The following PPP4R4 variants were observed in gnomAD, a reference collection of about 807,000 sequenced individuals.
PPP4R4 encodes the protein serine/threonine-protein phosphatase 4 regulatory subunit 4.
In PPP4R4, 70 loss-of-function variants were observed where a neutral mutation model predicts 121.8. That is an observed-to-expected ratio of 0.57 (90% CI 0.47 to 0.70). PPP4R4 has a LOEUF of 0.70. Ranked by LOEUF, PPP4R4 falls within the 30% of genes least tolerant of loss-of-function variation. The pLI is 0.00. For missense variants in PPP4R4, 875 were observed against 1,033.6 expected, an observed-to-expected ratio of 0.85 and a Z score of 2.10; for synonymous variants, 348 against 355.7, an observed-to-expected ratio of 0.98 and a Z score of 0.24.
rs578206201 is a variant in PPP4R4, at chr14:94,249,883, G to A, written c.1612-289G>A. Reference sequence around the variant, plus strand: ...CAGGGAACAGCTAAAAGAATAGGTGGCAGGGGTGTATTTGATCATGTAAGA... The same window carrying A: ...CAGGGAACAGCTAAAAGAATAGGTGACAGGGGTGTATTTGATCATGTAAGA... On this transcript the variant is annotated intron_variant, in intron 14 of 24. Coordinates refer to ENST00000304338, the MANE Select transcript of PPP4R4 (RefSeq NM_058237.2). 2.6e-5 allele frequency among the ~76,000 whole-genome samples: 4 copies of A among 152,160 alleles called. No individual in the cohort carries two copies. The South Asian group carries it at 8.3e-4, about 32-fold the overall frequency.
chr14:94,235,388 CTTTTTTTTTTTTTT>C (rs34881107), intron 7 of PPP4R4, among the ~76,000 whole-genome samples: 6 of 50,812 alleles, frequency 1.2e-4, no homozygotes, highest in African/African-American at 3.7e-4. Flanking sequence ...TCTCCTTGTT[CTTTTTTTTTTTTTT>C]TTTTTTTTTT....
intron 7 of PPP4R4, 44 bp downstream of exon 7, chr14:94,234,713 GC>G: frequency 7.7e-7 from 1 of 1,304,514 alleles, no homozygotes; most frequent in Non-Finnish European, 1.1e-6. Context: ...ATGAAAACAT[GC>G]CATTGAAAGG....
chr14:94,272,936 A>G (rs925454124), intron 23 of PPP4R4, among the ~76,000 whole-genome samples: 4 of 152,236 alleles, frequency 2.6e-5, no homozygotes, highest in Non-Finnish European at 4.4e-5. Context: ...AATTAAAACA[A>G]TGAAGCCCCA....
chr14:94,219,175 G>A (rs377343263), intron 3 of PPP4R4, among the ~76,000 whole-genome samples: 1 of 151,046 alleles, frequency 6.6e-6, no homozygotes, highest in South Asian at 2.1e-4. Flanking sequence ...TGCCTCCCGG[G>A]TTCAAGCGAT....
chr14:94,267,024 T>C lies in PPP4R4; in HGVS notation c.2444T>C (p.Leu815Pro). 2 of 1,587,008 alleles carry C rather than the reference T, an allele frequency of 1.3e-6. No individual in the cohort carries two copies. Among genetic ancestry groups the C allele is most frequent in the East Asian group, 2.2e-5 (1 of 44,634 alleles). The change falls in exon 23 of 25, where the codon CTA becomes CCA. Residue 815 changes from leucine to proline, a missense_variant. By Grantham distance (98) the Leu-to-Pro change is moderately conservative (BLOSUM62 -3). Transcript: ENST00000304338. ...SGLGKTSVLS[L>P]ADDSFRTRNA... ...TTAGGAAAGACTTCTGTGCTTTCACTAGCTGGTAAGTAGCAATCTAAGTTC... is the reference window on the plus strand; with the variant it reads ...TTAGGAAAGACTTCTGTGCTTTCACCAGCTGGTAAGTAGCAATCTAAGTTC...
At chr14:94,216,202 A>C (rs1255704678) in intron 3 of PPP4R4, among the ~76,000 whole-genome samples, 1 of 152,250 alleles carries the variant, frequency 6.6e-6, no homozygotes, top group African/African-American at 2.4e-5. Context: ...CTGCAAGAGA[A>C]CATCACTCTT....
intron 23 of PPP4R4, among the ~76,000 whole-genome samples, chr14:94,271,126 A>G (rs1039895314): frequency 4.6e-5 from 7 of 152,162 alleles, no homozygotes; most frequent in African/African-American, 1.7e-4. Flanking sequence ...ATTATCTACA[A>G]TCTCTTTCAC....
chr14:94,214,337 G>GA (rs1235698854), intron 3 of PPP4R4, among the ~76,000 whole-genome samples: 1 of 152,070 alleles, frequency 6.6e-6, no homozygotes, highest in Non-Finnish European at 1.5e-5. Context: ...ATATAATAAA[G>GA]AAAGGATAAA....
chr14:94,258,953 G>C (rs149083211), intron 18 of PPP4R4, 129 bp downstream of exon 18: 1 of 881,006 alleles, frequency 1.1e-6, no homozygotes, highest in African/African-American at 1.7e-5. Context: ...GGCTGGGGAG[G>C]CCTCACAATC....
At chr14:94,202,318 T>C (rs1316087068) in intron 2 of PPP4R4, among the ~76,000 whole-genome samples, 1 of 152,168 alleles carries the variant, frequency 6.6e-6, no homozygotes, top group East Asian at 1.9e-4. Flanking sequence ...AGTGCTTAGA[T>C]ACGAATCTAA....
At position 94,223,618 on chromosome 14, in the gene PPP4R4, C is replaced by A. The variant is rs142186971; in HGVS notation, c.295-6969C>A. Among the ~76,000 whole-genome samples the A allele has an allele frequency of 6.4e-3, 967 of 152,270 alleles. 10 individuals carry two copies. Among genetic ancestry groups the A allele is most frequent in the African/African-American group, 0.021 (863 of 41,556 alleles). On this transcript the variant is annotated intron_variant, in intron 3 of 24. Coordinates refer to ENST00000304338, the MANE Select transcript of PPP4R4 (RefSeq NM_058237.2). ...GCTCACTTTTCTGGATATTTGTTGTCTCTTAGATCTTGGAAGGGTAATTTT... is the reference window on the plus strand; with the variant it reads ...GCTCACTTTTCTGGATATTTGTTGTATCTTAGATCTTGGAAGGGTAATTTT...
chr14:94,182,884 C>T (rs1889066336), intron 2 of PPP4R4, among the ~76,000 whole-genome samples: 1 of 152,090 alleles, frequency 6.6e-6, no homozygotes. Flanking sequence ...TGTACTTCTG[C>T]CAGCAGTGTC....
intron 24 of PPP4R4, 87 bp downstream of exon 24, chr14:94,275,608 G>A: frequency 7.0e-7 from 1 of 1,426,840 alleles, no homozygotes; most frequent in Middle Eastern, 1.8e-4. Flanking sequence ...ACTTTCCAAA[G>A]AATAGAAAAT....
intron 2 of PPP4R4, among the ~76,000 whole-genome samples, chr14:94,189,434 T>C (rs1186204779): frequency 2.6e-5 from 4 of 152,226 alleles, no homozygotes. Context: ...TATAATTGAT[T>C]TGTTTGTATT....
intron 2 of PPP4R4, among the ~76,000 whole-genome samples, chr14:94,193,246 G>C (rs929379742): frequency 7.9e-5 from 12 of 152,230 alleles, no homozygotes; most frequent in African/African-American, 2.2e-4. Flanking sequence ...TTAGGAGCAG[G>C]AGTGGGATAG....
chr14:94,276,988 A>G (rs755048111), intron 24 of PPP4R4, among the ~76,000 whole-genome samples: 1 of 152,150 alleles, frequency 6.6e-6, no homozygotes, highest in African/African-American at 2.4e-5. Flanking sequence ...TGATTATACG[A>G]TGGAAGTTCC....
At position 94,228,167 on chromosome 14, in the gene PPP4R4, C is replaced by T. The variant is rs191815340; in HGVS notation, c.295-2420C>T. On this transcript the variant is annotated intron_variant, in intron 3 of 24. Coordinates refer to ENST00000304338, the MANE Select transcript of PPP4R4 (RefSeq NM_058237.2). ...TGTGGTAGGTTTTCTGGCAATTAACCATAGCACATAGACATTTGCCACAGG... is the reference window on the plus strand; with the variant it reads ...TGTGGTAGGTTTTCTGGCAATTAACTATAGCACATAGACATTTGCCACAGG... Among the ~76,000 whole-genome samples, 4 of 152,238 alleles carry T rather than the reference C, an allele frequency of 2.6e-5. No homozygotes were observed. The East Asian group carries it at 7.7e-4, about 29-fold the overall frequency.
At chr14:94,218,277 A>G (rs2139481713) in intron 3 of PPP4R4, among the ~76,000 whole-genome samples, 1 of 152,270 alleles carries the variant, frequency 6.6e-6, no homozygotes, top group Non-Finnish European at 1.5e-5. Flanking sequence ...TAGCCAGGAC[A>G]AAGCATAGAT....
chr14:94,182,869 C>A (rs990173158), intron 2 of PPP4R4, among the ~76,000 whole-genome samples: 1 of 152,100 alleles, frequency 6.6e-6, no homozygotes, highest in African/African-American at 2.4e-5. Context: ...GTGCTTTGAC[C>A]AGTTTGTACT....
Sources: allele counts gnomAD v4.1 joint callset (sites outside exome capture counted in the v4.1 genomes callset), GRCh38; gene constraint gnomAD v4.1.1; transcripts MANE v1.5; gene names NCBI Gene and HGNC (gene_info 2026-07-23, HGNC 2026-07-21).